The following TTC12 variants were observed in gnomAD, a reference collection of about 807,000 sequenced individuals.
TTC12 encodes tetratricopeptide repeat domain 12.
TTC12 carries 70 observed loss-of-function variants against 90.1 expected under a neutral mutation model. The ratio of observed to expected loss-of-function variants is 0.78; its 90% confidence interval spans 0.64 to 0.95. The LOEUF (loss-of-function observed/expected upper bound fraction) is 0.95, where lower values mean the gene tolerates loss of function less well. TTC12 is among the 40% of genes least tolerant of loss of function. The pLI is 0.00. For missense variants in TTC12, 819 were observed against 846.1 expected, an observed-to-expected ratio of 0.97 and a Z score of 0.40; for synonymous variants, 296 against 311.5, an observed-to-expected ratio of 0.95 and a Z score of 0.53.
intron 8 of TTC12, 146 bp from the exon 9 acceptor site, chr11:113,338,628 T>C (rs1555144813): frequency 1.8e-6 from 1 of 542,264 alleles, no homozygotes; most frequent in Non-Finnish European, 3.3e-6. Flanking sequence ...CAAATGCACA[T>C]TGTGTTCCTA....
Position 113,360,709 on chromosome 11 carries a change from G to A in TTC12, c.1614+701G>A, listed in dbSNP as rs146719263. ...CCTAATGGCTAGGGAAGCAATTAGGGCCACATCTAGGGTGGGTCTGGGAAA... is the reference window on the plus strand; with the variant it reads ...CCTAATGGCTAGGGAAGCAATTAGGACCACATCTAGGGTGGGTCTGGGAAA... On this transcript the variant is annotated intron_variant, in intron 18 of 21. Transcript: ENST00000529221. 2.3e-4 allele frequency among the ~76,000 whole-genome samples: 35 copies of A among 152,240 alleles called. No individual in the cohort carries two copies. The East Asian group carries it at 6.8e-3, about 29-fold the overall frequency.
chr11:113,334,902 G>A (rs782641338), intron 7 of TTC12, 64 bp from the exon 8 acceptor site: 22 of 1,319,622 alleles, frequency 1.7e-5, no homozygotes, highest in Non-Finnish European at 2.3e-5. Flanking sequence ...GCTGTATAGT[G>A]AGGGGAGTGG....
At chr11:113,337,170 A>G (rs1342056975) in intron 8 of TTC12, among the ~76,000 whole-genome samples, 3 of 152,224 alleles carry the variant, frequency 2.0e-5, no homozygotes, top group Admixed American at 6.5e-5. Flanking sequence ...TACTCATTCA[A>G]TTCATTCATT....
Position 113,366,248 on chromosome 11 carries a change from T to C in TTC12, c.2066T>C (p.Leu689Pro), listed in dbSNP as rs904313442. 2.5e-6 allele frequency: 4 copies of C among 1,613,578 alleles called. No individual in the cohort carries two copies. The highest frequency in any genetic ancestry group is 3.4e-6 in the Non-Finnish European group (4 of 1,180,034). The change falls in exon 22 of 22, where the codon CTT becomes CCT. Residue 689 changes from leucine to proline, a missense_variant. Leu to Pro is a moderately conservative substitution (Grantham distance 98, BLOSUM62 -3). Transcript: ENST00000529221. ...EPRFAAQLRK[L>P]HGLEILNSTM... is the part of the protein sequence containing the mutation. ...AGATTTGCTGCTCAACTGAGAAAGC[T>C]TCATGGCCTAGAAATTCTCAACTCT...
chr11:113,320,550 T>C (rs1264975747), intron 2 of TTC12, among the ~76,000 whole-genome samples: 3 of 152,036 alleles, frequency 2.0e-5, no homozygotes, highest in Non-Finnish European at 4.4e-5. Context: ...GAAAGCCACC[T>C]CCACCACTCA....
rs187597001 is a variant in TTC12 at position 113,324,467 on chromosome 11, G to A, written c.245-138G>A. The stretch of plus-strand genomic sequence containing the variant: ...AGAAAATGTCATTTTAGTTGCCTCA[G>A]AATGGTGTGTGTGCGTGTGTGTGCC... On this transcript the variant is annotated intron_variant, in intron 4 of 21. Transcript: ENST00000529221. The A allele has an allele frequency of 7.4e-3, 4,570 of 615,912 alleles. 88 individuals carry two copies. The highest frequency in any genetic ancestry group is 0.047 in the South Asian group (2,189 of 46,666). The allele number at this position is 615,912 out of a possible 1,614,324, so 38.2% of individuals were successfully genotyped here.
At chr11:113,326,838 C>T (rs1432166963) in intron 6 of TTC12, among the ~76,000 whole-genome samples, 1 of 152,102 alleles carries the variant, frequency 6.6e-6, no homozygotes, top group Non-Finnish European at 1.5e-5. Flanking sequence ...ATACTTTTTC[C>T]CCTAATGCTT....
intron 14 of TTC12, among the ~76,000 whole-genome samples, chr11:113,350,515 G>GAGCGAGCC (rs1178112693): frequency 2.0e-5 from 3 of 152,228 alleles, no homozygotes; most frequent in African/African-American, 7.2e-5. Flanking sequence ...GAATGAACCT[G>GAGCGAGCC]AGCGAGCCAG....
chr11:113,332,421 C>T (rs17115371), intron 7 of TTC12, among the ~76,000 whole-genome samples: 1,682 of 152,302 alleles, frequency 0.011, 32 homozygotes, highest in African/African-American at 0.035. Context: ...GCTTGGGGCT[C>T]GGTTTCCCCC....
At chr11:113,329,084 A>G (rs1482728223) in intron 6 of TTC12, among the ~76,000 whole-genome samples, 9 of 152,202 alleles carry the variant, frequency 5.9e-5, no homozygotes, top group Non-Finnish European at 1.2e-4. Flanking sequence ...TAATTCTGCT[A>G]TGAACATTCA....
chr11:113,353,771 T>G (rs984297501), intron 16 of TTC12, among the ~76,000 whole-genome samples: 7 of 152,092 alleles, frequency 4.6e-5, no homozygotes, highest in Non-Finnish European at 1.0e-4. Context: ...TCAGATAGTT[T>G]TAGGTATGCG....
chr11:113,328,896 G>A (rs527425987), intron 6 of TTC12, among the ~76,000 whole-genome samples: 93 of 152,172 alleles, frequency 6.1e-4, no homozygotes, highest in Non-Finnish European at 1.0e-3. Context: ...GTCCTTTTAT[G>A]ACTGGCTTCT....
intron 7 of TTC12, among the ~76,000 whole-genome samples, chr11:113,330,597 C>A (rs1271954357): frequency 1.3e-5 from 2 of 152,032 alleles, no homozygotes; most frequent in South Asian, 4.2e-4. Flanking sequence ...AGGGACATGA[C>A]CAAATATTTA....
chr11:113,367,720 C>T (rs1303542674), downstream of TTC12, among the ~76,000 whole-genome samples: 3 of 151,914 alleles, frequency 2.0e-5, no homozygotes, highest in Non-Finnish European at 2.9e-5. Context: ...CATTTGGTGA[C>T]GGGGGTGGGC....
intron 10 of TTC12, among the ~76,000 whole-genome samples, chr11:113,339,859 T>C (rs1948587733): frequency 6.6e-6 from 1 of 151,944 alleles, no homozygotes; most frequent in Non-Finnish European, 1.5e-5. Flanking sequence ...AGTCCACATA[T>C]CCTGCGCACA....
intron 1 of TTC12, among the ~76,000 whole-genome samples, chr11:113,315,507 G>T (rs1300150743): frequency 1.3e-5 from 2 of 152,188 alleles, no homozygotes; most frequent in Non-Finnish European, 2.9e-5. Context: ...ATTCGTGTCT[G>T]GGCAATGTCC....
downstream of TTC12, among the ~76,000 whole-genome samples, chr11:113,370,884 G>T (rs1387810550): frequency 6.6e-6 from 1 of 152,170 alleles, no homozygotes; most frequent in East Asian, 1.9e-4. Flanking sequence ...CCAACTTTAT[G>T]TTTGGGCTTC....
At position 113,363,855 on chromosome 11, in the gene TTC12, G is replaced by A. The variant is rs1950069405; in HGVS notation, c.1744G>A (p.Ala582Thr). Residue 582 changes from alanine to threonine, a missense_variant, in exon 20 of 22, where the codon GCT (alanine) becomes ACT (threonine). Ala to Thr is a moderately conservative substitution (Grantham distance 58). Coordinates refer to ENST00000529221, the MANE Select transcript of TTC12 (RefSeq NM_017868.4). Reference sequence around the variant, plus strand: ...AGGAGGTGAGACTGCATCACGTTATGCTATAAAGATACTAGCTATCTGCAC... The same window carrying A: ...AGGAGGTGAGACTGCATCACGTTATACTATAAAGATACTAGCTATCTGCAC... ...KTGGETASRY[A>T]IKILAICTNS... The A allele has an allele frequency of 6.2e-7, 1 of 1,613,484 alleles. No individual in the cohort carries two copies. Among genetic ancestry groups the A allele is most frequent in the South Asian group, 1.1e-5 (1 of 91,030 alleles).
chr11:113,359,294 A>G (rs1204874368), intron 16 of TTC12, 69 bp from the exon 17 acceptor site: 7 of 1,046,260 alleles, frequency 6.7e-6, no homozygotes, highest in Middle Eastern at 2.0e-4. Flanking sequence ...ACCCTTGTCC[A>G]AGGGAAAAGA....
Sources: allele counts gnomAD v4.1 joint callset (sites outside exome capture counted in the v4.1 genomes callset), GRCh38; gene constraint gnomAD v4.1.1; transcripts MANE v1.5; gene names NCBI Gene and HGNC (gene_info 2026-07-23, HGNC 2026-07-21).